The following ZFPM2 variants were observed in gnomAD, a reference collection of about 807,000 sequenced individuals.
ZFPM2 encodes the protein zinc finger protein ZFPM2.
In ZFPM2, 20 loss-of-function variants were observed where a neutral mutation model predicts 98.6. The observed-to-expected ratio is 0.20, with a 90% CI of 0.14 to 0.29. ZFPM2 has a LOEUF of 0.29. Ranked by LOEUF, ZFPM2 falls within the 10% of genes least tolerant of loss-of-function variation. The probability of loss-of-function intolerance (pLI) is 1.00; values close to 1 mark genes in which losing one functional copy is unlikely to be tolerated. For synonymous variants in ZFPM2, 518 were observed against 502.7 expected (o/e 1.03, Z -0.41); for missense variants, 1,310 against 1,388.6 (o/e 0.94, Z 0.90).
chr8:105,487,371 G>A (rs936381687), intron 3 of ZFPM2, among the ~76,000 whole-genome samples: 5 of 151,956 alleles, frequency 3.3e-5, no homozygotes, highest in Admixed American at 1.3e-4. Flanking sequence ...CTCTTGCCTC[G>A]GCCTCCCAAA....
At chr8:105,673,651 T>A (rs1198409730) in intron 5 of ZFPM2, among the ~76,000 whole-genome samples, 1 of 152,150 alleles carries the variant, frequency 6.6e-6, no homozygotes, top group East Asian at 1.9e-4. Context: ...AAAACTTAAC[T>A]TTTTTTCTAT....
chr8:105,359,905 A>G (rs1340228199), intron 1 of ZFPM2, among the ~76,000 whole-genome samples: 1 of 152,242 alleles, frequency 6.6e-6, no homozygotes, highest in African/African-American at 2.4e-5. Flanking sequence ...ATAAACCAAA[A>G]GAGCTAGATC....
At chr8:105,482,193 A>G (rs572315289) in intron 3 of ZFPM2, among the ~76,000 whole-genome samples, 1 of 152,324 alleles carries the variant, frequency 6.6e-6, no homozygotes, top group South Asian at 2.1e-4. Flanking sequence ...AGTGCATGGA[A>G]GTCAATTTTT....
At chr8:105,451,396 G>A (rs1265245021) in intron 3 of ZFPM2, among the ~76,000 whole-genome samples, 1 of 152,062 alleles carries the variant, frequency 6.6e-6, no homozygotes, top group East Asian at 1.9e-4. Context: ...CTTTTGGGTT[G>A]GGTTCTATAC....
chr8:105,411,567 G>A (rs548178157), intron 1 of ZFPM2, among the ~76,000 whole-genome samples: 4 of 151,646 alleles, frequency 2.6e-5, no homozygotes, highest in African/African-American at 7.3e-5. Flanking sequence ...TTCATCGTTC[G>A]TACTTATTTT....
At chr8:105,531,254 C>T (rs892794053) in intron 3 of ZFPM2, among the ~76,000 whole-genome samples, 2 of 152,086 alleles carry the variant, frequency 1.3e-5, no homozygotes, top group Admixed American at 6.6e-5. Flanking sequence ...CAAAAGAAAT[C>T]GATTCTCTTT....
intron 1 of ZFPM2, among the ~76,000 whole-genome samples, chr8:105,412,482 T>G (rs1438472046): frequency 6.6e-6 from 1 of 151,508 alleles, no homozygotes; most frequent in Non-Finnish European, 1.5e-5. Flanking sequence ...AAGAAATTAA[T>G]CAAAAAGAAG....
intron 1 of ZFPM2, among the ~76,000 whole-genome samples, chr8:105,397,751 T>C (rs1415039061): frequency 6.6e-6 from 1 of 152,164 alleles, no homozygotes; most frequent in Non-Finnish European, 1.5e-5. Context: ...ACTGGTGATA[T>C]GCGATATATA....
intron 3 of ZFPM2, among the ~76,000 whole-genome samples, chr8:105,549,351 G>A (rs980580881): frequency 3.3e-5 from 5 of 152,204 alleles, no homozygotes; most frequent in African/African-American, 1.2e-4. Context: ...GAGGGCATGA[G>A]ATTTTCTAGT....
intron 3 of ZFPM2, among the ~76,000 whole-genome samples, chr8:105,451,206 A>G (rs896686430): frequency 1.3e-5 from 2 of 152,188 alleles, no homozygotes; most frequent in Admixed American, 6.5e-5. Context: ...GTTAAAGATA[A>G]TGAATTTGAG....
intron 5 of ZFPM2, among the ~76,000 whole-genome samples, chr8:105,747,165 G>A (rs555075925): frequency 6.6e-6 from 1 of 152,116 alleles, no homozygotes; most frequent in Non-Finnish European, 1.5e-5. Flanking sequence ...TTTTAAGAAT[G>A]AAGAAGGCAT....
At chr8:105,628,929 A>G (rs1414967458) in intron 4 of ZFPM2, among the ~76,000 whole-genome samples, 8 of 152,142 alleles carry the variant, frequency 5.3e-5, no homozygotes, top group African/African-American at 1.9e-4. Context: ...GGACCCACTG[A>G]ACTGTTAACA....
chr8:105,653,627 A>G (rs1817224220), intron 5 of ZFPM2, among the ~76,000 whole-genome samples: 1 of 152,162 alleles, frequency 6.6e-6, no homozygotes, highest in African/African-American at 2.4e-5. Flanking sequence ...CTGAGAAGCC[A>G]GGGTCTAGTG....
intron 6 of ZFPM2, 109 bp downstream of exon 6, chr8:105,789,033 G>A: frequency 1.2e-6 from 1 of 845,878 alleles, no homozygotes; most frequent in Non-Finnish European, 1.7e-6. Context: ...CTTCAGTGTT[G>A]TGGTTTCATT....
chr8:105,662,824 G>T (rs1183748854), intron 5 of ZFPM2: 1 of 151,946 alleles, frequency 6.6e-6, no homozygotes, highest in South Asian at 2.1e-4. Context: ...ATCTTTTGGG[G>T]CTGTCCCTTC....
At chr8:105,453,630 T>G (rs1283440858) in intron 3 of ZFPM2, among the ~76,000 whole-genome samples, 1 of 151,434 alleles carries the variant, frequency 6.6e-6, no homozygotes, top group South Asian at 2.1e-4. Context: ...GAGTTTTTTT[T>G]GTTTTGTTTT....
chr8:105,584,021 A>C (rs1339717885), intron 4 of ZFPM2, among the ~76,000 whole-genome samples: 1 of 152,184 alleles, frequency 6.6e-6, no homozygotes, highest in Non-Finnish European at 1.5e-5. Context: ...TTCCTCATGA[A>C]ATAAAATGGT....
chr8:105,417,856 A>G (rs1162107376), intron 1 of ZFPM2, among the ~76,000 whole-genome samples: 4 of 152,124 alleles, frequency 2.6e-5, no homozygotes, highest in African/African-American at 9.7e-5. Context: ...TTTTCTTCTT[A>G]ACATTTGCTC....
intron 4 of ZFPM2, among the ~76,000 whole-genome samples, chr8:105,579,726 C>T (rs1382643567): frequency 6.6e-6 from 1 of 152,092 alleles, no homozygotes. Context: ...TTTCTCTTTG[C>T]GTAAATCCCC....
Sources: gnomAD v4.1 joint callset for allele counts (sites outside exome capture counted in the v4.1 genomes callset) on GRCh38, gnomAD v4.1.1 for gene constraint, MANE v1.5 for transcripts, NCBI Gene and HGNC (gene_info 2026-07-23, HGNC 2026-07-21) for gene names.